LRRC37A2: variants seen among roughly 807,000 people sequenced by gnomAD.
LRRC37A2 encodes the protein leucine-rich repeat-containing protein 37A2.
In LRRC37A2, 9 loss-of-function variants were observed where a neutral mutation model predicts 68.8. That is an observed-to-expected ratio of 0.13 (90% CI 0.08 to 0.23). The LOEUF (loss-of-function observed/expected upper bound fraction) is 0.23. LRRC37A2 is among the 10% of genes least tolerant of loss of function. The pLI is 1.00. For missense variants in LRRC37A2, 168 were observed against 950.4 expected, an observed-to-expected ratio of 0.18 and a Z score of 10.82; for synonymous variants, 63 against 367.6, an observed-to-expected ratio of 0.17 and a Z score of 9.48.
chr17:46,931,364 C>G, the LRRC37A2 span: 3 of 654,892 alleles, frequency 4.6e-6, no homozygotes, highest in South Asian at 5.3e-5. Flanking sequence ...ACAATTCTAT[C>G]TGAGTGATGC....
the LRRC37A2 span, among the ~76,000 whole-genome samples, chr17:46,815,458 T>C: frequency 6.6e-6 from 1 of 152,178 alleles, no homozygotes; most frequent in Non-Finnish European, 1.5e-5. Flanking sequence ...CTGTAAATCC[T>C]TCCTGGGGAA....
chr17:46,933,587 C>A, the LRRC37A2 span: 2 of 149,086 alleles, frequency 1.3e-5, no homozygotes, highest in Non-Finnish European at 3.0e-5. Flanking sequence ...CACGTATGTG[C>A]AAAATGATTC....
chr17:46,780,100 G>A, the LRRC37A2 span, among the ~76,000 whole-genome samples: 1 of 152,192 alleles, frequency 6.6e-6, no homozygotes. Context: ...GTGAATTCAG[G>A]TCAGCCTGGA....
At chr17:46,978,841 G>A in the LRRC37A2 span, 4 of 1,600,430 alleles carry the variant, frequency 2.5e-6, no homozygotes, top group East Asian at 4.5e-5. Context: ...CTCGTCGGGC[G>A]CCAGCCCCGC....
chr17:46,928,522 A>G, the LRRC37A2 span, among the ~76,000 whole-genome samples: 2 of 152,182 alleles, frequency 1.3e-5, no homozygotes, highest in Non-Finnish European at 2.9e-5. Flanking sequence ...ATGGAGGACC[A>G]TTAGGAAGGG....
the LRRC37A2 span, among the ~76,000 whole-genome samples, chr17:46,871,819 A>C: frequency 1.3e-5 from 2 of 152,198 alleles, no homozygotes; most frequent in East Asian, 1.9e-4. Context: ...CTAACCATCC[A>C]TCAGTCCTTC....
At chr17:46,792,696 A>C in the LRRC37A2 span, among the ~76,000 whole-genome samples, 1 of 152,208 alleles carries the variant, frequency 6.6e-6, no homozygotes, top group Non-Finnish European at 1.5e-5. Flanking sequence ...CTAGCCTCGA[A>C]CTACTGACCA....
the LRRC37A2 span, among the ~76,000 whole-genome samples, chr17:46,613,195 T>G: frequency 0.014 from 515 of 36,022 alleles, 9 homozygotes; most frequent in African/African-American, 0.039. Flanking sequence ...GGAAGATCAC[T>G]TGAGCCTGTG....
At chr17:46,944,638 T>C in the LRRC37A2 span, among the ~76,000 whole-genome samples, 1 of 151,638 alleles carries the variant, frequency 6.6e-6, no homozygotes, top group Non-Finnish European at 1.5e-5. Context: ...CTCATTCTGT[T>C]GCCCAGGCTG....
the LRRC37A2 span, chr17:46,764,362 A>G: frequency 6.6e-6 from 1 of 152,592 alleles, no homozygotes; most frequent in Non-Finnish European, 1.5e-5. Context: ...GTCTGTTCCT[A>G]TCAGACCCTA....
the LRRC37A2 span, among the ~76,000 whole-genome samples, chr17:46,947,241 A>G: frequency 6.6e-6 from 1 of 152,168 alleles, no homozygotes; most frequent in African/African-American, 2.4e-5. Flanking sequence ...GTTACTGCTC[A>G]GGAAGCAGGG....
chr17:46,918,888 C>T, the LRRC37A2 span, among the ~76,000 whole-genome samples: 1 of 152,144 alleles, frequency 6.6e-6, no homozygotes, highest in Admixed American at 6.5e-5. Context: ...ACGCTGTTTC[C>T]TCTTCCTGGG....
chr17:46,950,108 C>G, the LRRC37A2 span, among the ~76,000 whole-genome samples: 1 of 152,240 alleles, frequency 6.6e-6, no homozygotes, highest in Non-Finnish European at 1.5e-5. Flanking sequence ...AACCCACTTT[C>G]ATATCATAGG....
chr17:46,428,884 CCACTGCACTCCA>C, the LRRC37A2 span, among the ~76,000 whole-genome samples: 1 of 52,864 alleles, frequency 1.9e-5, no homozygotes, highest in Non-Finnish European at 3.2e-5. Context: ...CGAGATCGCA[CCACTGCACTCCA>C]GCCTGGGCGA....
the LRRC37A2 span, among the ~76,000 whole-genome samples, chr17:46,501,005 C>T: frequency 1.3e-5 from 2 of 151,098 alleles, no homozygotes; most frequent in Non-Finnish European, 2.9e-5. Flanking sequence ...CATGGTGAGA[C>T]CCCGTCTCTA....
chr17:46,534,342 C>T (rs1170940467), intron 6 of LRRC37A2, among the ~76,000 whole-genome samples: 5,403 of 123,454 alleles, frequency 0.044, no homozygotes, highest in Middle Eastern at 0.08. Flanking sequence ...GAGGACCCTG[C>T]GGCCTTCCAC....
chr17:46,493,854 CAG>C, the LRRC37A2 span, among the ~76,000 whole-genome samples: 5 of 149,066 alleles, frequency 3.4e-5, no homozygotes, highest in East Asian at 2.0e-4. Flanking sequence ...TTTTTTTAGA[CAG>C]AGTCTCGTTC....
At chr17:46,958,378 G>A in the LRRC37A2 span, among the ~76,000 whole-genome samples, 1 of 152,244 alleles carries the variant, frequency 6.6e-6, no homozygotes, top group South Asian at 2.1e-4. Flanking sequence ...GCAACAGCGG[G>A]AGCTAGCAAA....
chr17:46,760,301 T>C, the LRRC37A2 span, among the ~76,000 whole-genome samples: 4 of 152,014 alleles, frequency 2.6e-5, no homozygotes, highest in African/African-American at 9.7e-5. Context: ...TTCATTAGTA[T>C]GAATAGGGAC....
Sources: allele counts gnomAD v4.1 joint callset (sites outside exome capture counted in the v4.1 genomes callset), GRCh38; gene constraint gnomAD v4.1.1; transcripts MANE v1.5; gene names NCBI Gene and HGNC (gene_info 2026-07-23, HGNC 2026-07-21).